VTI1A: variants seen among roughly 807,000 people sequenced by gnomAD.
The protein encoded by VTI1A is vesicle transport through interaction with t-SNAREs 1A.
A neutral mutation model predicts 34.9 loss-of-function variants in VTI1A; 22 were observed. The ratio of observed to expected loss-of-function variants is 0.63; its 90% CI spans 0.45 to 0.90. VTI1A has a LOEUF of 0.90. VTI1A is among the 40% of genes least tolerant of loss of function. The probability of loss-of-function intolerance (pLI) is 0.00; values close to 1 mark genes in which losing one functional copy is unlikely to be tolerated. For missense variants in VTI1A, 268 were observed against 275.6 expected, an observed-to-expected ratio of 0.97 and a Z score of 0.20; for synonymous variants, 87 against 97.3, an observed-to-expected ratio of 0.89 and a Z score of 0.62.
In VTI1A at chr10:112,687,199, C is replaced by G. The variant is rs112131820; in HGVS notation, c.560+18201C>G. On this transcript the variant is annotated intron_variant, in intron 7 of 7. Transcript: ENST00000393077. ...ATCAAACTTCACCACATCAACAAAA[C>G]AGGCCTAGGCATACTACAACTTTTT... 7.2e-3 allele frequency among the ~76,000 whole-genome samples: 1,034 copies of G among 143,144 alleles called. 11 individuals carry two copies. Among genetic ancestry groups the G allele is most frequent in the African/African-American group, 0.026 (998 of 38,018 alleles). 93.9% of individuals were successfully genotyped at this position (143,144 alleles called of 152,430 possible). A position where few individuals can be genotyped will look rare whatever the true frequency, so the allele number is the denominator to read the frequency against.
chr10:112,736,579 T>A, intron 7 of VTI1A: 1 of 1,314,102 alleles, frequency 7.6e-7, no homozygotes, highest in Non-Finnish European at 1.0e-6. Context: ...GGAAAAGGCA[T>A]GACTCTGAAA....
intron 5 of VTI1A, among the ~76,000 whole-genome samples, chr10:112,610,788 G>A (rs988608610): frequency 6.6e-6 from 1 of 152,094 alleles, no homozygotes; most frequent in Non-Finnish European, 1.5e-5. Flanking sequence ...GCGCGGTGGC[G>A]GGCGCCTGTA....
chr10:112,486,681 CTTATAT>C, intron 3 of VTI1A, among the ~76,000 whole-genome samples: 1 of 44,072 alleles, frequency 2.3e-5, no homozygotes, highest in Admixed American at 1.6e-4. Context: ...GAATATACAA[CTTATAT>C]TTAGAATATA....
chr10:112,728,701 A>G (rs939491072), intron 7 of VTI1A, among the ~76,000 whole-genome samples: 4 of 152,212 alleles, frequency 2.6e-5, no homozygotes, highest in Non-Finnish European at 5.9e-5. Flanking sequence ...TTAGGGGCTC[A>G]GGCTACCCCT....
intron 7 of VTI1A, among the ~76,000 whole-genome samples, chr10:112,679,070 A>T: frequency 6.6e-6 from 1 of 152,156 alleles, no homozygotes; most frequent in East Asian, 1.9e-4. Flanking sequence ...GTAGCTAAGA[A>T]TTTTTTTTAA....
At chr10:112,462,350 G>A (rs969174946) in intron 2 of VTI1A, among the ~76,000 whole-genome samples, 1 of 152,136 alleles carries the variant, frequency 6.6e-6, no homozygotes, top group Non-Finnish European at 1.5e-5. Flanking sequence ...CTCATTCTTG[G>A]TTTCATTTTA....
At chr10:112,780,715 A>G (rs977677964) in intron 7 of VTI1A, among the ~76,000 whole-genome samples, 1 of 152,146 alleles carries the variant, frequency 6.6e-6, no homozygotes, top group Admixed American at 6.5e-5. Flanking sequence ...TGGCTTTCTC[A>G]AAGCCACATG....
chr10:112,591,958 G>C (rs1844406669), intron 5 of VTI1A, among the ~76,000 whole-genome samples: 1 of 152,188 alleles, frequency 6.6e-6, no homozygotes, highest in Non-Finnish European at 1.5e-5. Flanking sequence ...TCAGCAGAAA[G>C]GGTAGATGCA....
chr10:112,722,138 A>G (rs1011880688), intron 7 of VTI1A, among the ~76,000 whole-genome samples: 6 of 152,220 alleles, frequency 3.9e-5, no homozygotes, highest in Admixed American at 6.5e-5. Context: ...AAAGAAAGTA[A>G]CCAAATTTAT....
At chr10:112,622,003 A>G (rs6585164) in intron 5 of VTI1A, among the ~76,000 whole-genome samples, 120,409 of 152,072 alleles carry the variant, frequency 0.79, 48,622 homozygotes, top group African/African-American at 0.93. Context: ...AGAGAGAAGA[A>G]GGAGACAGAG....
chr10:112,453,218 A>AT (rs1219736221), intron 1 of VTI1A, among the ~76,000 whole-genome samples: 1 of 152,176 alleles, frequency 6.6e-6, no homozygotes, highest in African/African-American at 2.4e-5. Context: ...GTAAAGCATC[A>AT]TTTTCACCAC....
intron 5 of VTI1A, among the ~76,000 whole-genome samples, chr10:112,578,832 A>T (rs1843812586): frequency 6.6e-6 from 1 of 152,168 alleles, no homozygotes; most frequent in Non-Finnish European, 1.5e-5. Context: ...TTACAATTTA[A>T]CATTTCTGTA....
intron 6 of VTI1A, among the ~76,000 whole-genome samples, 162 bp from the exon 7 acceptor site, chr10:112,668,775 G>A (rs934711814): frequency 6.6e-6 from 1 of 152,110 alleles, no homozygotes. Flanking sequence ...CCAAATTTAA[G>A]AATTTTCCAA....
chr10:112,638,596 A>G (rs974030537), intron 5 of VTI1A, among the ~76,000 whole-genome samples: 3 of 152,188 alleles, frequency 2.0e-5, no homozygotes, highest in Non-Finnish European at 2.9e-5. Flanking sequence ...AACCTATTAC[A>G]TAAAATTCCA....
At chr10:112,517,668 G>A (rs1053965930) in intron 3 of VTI1A, among the ~76,000 whole-genome samples, 1 of 152,164 alleles carries the variant, frequency 6.6e-6, no homozygotes, top group South Asian at 2.1e-4. Context: ...GATCAAAGTG[G>A]CACTTTACTT....
chr10:112,522,286 A>G (rs1356238223), intron 3 of VTI1A, among the ~76,000 whole-genome samples: 1 of 152,076 alleles, frequency 6.6e-6, no homozygotes, highest in Admixed American at 6.6e-5. Context: ...AAGCAATGGA[A>G]AAGTCTGGCC....
Position 112,447,406 on chromosome 10 carries a change from C to G in VTI1A, c.33C>G (p.Asp11Glu). ...CCGACTTCGAAGGTTACGAGCAGGA[C>G]TTCGCGGTGCTCACTGCAGAGATCA... MSSDFEGYEQ[D>E]FAVLTAEITS... Residue 11 changes from aspartate to glutamate, a missense_variant, in exon 1 of 8, where the codon GAC (aspartate) becomes GAG (glutamate). Coordinates refer to ENST00000393077, the MANE Select transcript of VTI1A (RefSeq NM_145206.4). 2 of 1,613,752 alleles carry G rather than the reference C, an allele frequency of 1.2e-6. No homozygotes were observed. Among genetic ancestry groups the G allele is most frequent in the Non-Finnish European group, 1.7e-6 (2 of 1,180,000 alleles).
At chr10:112,569,014 G>T (rs534092673) in intron 5 of VTI1A, among the ~76,000 whole-genome samples, 2 of 152,166 alleles carry the variant, frequency 1.3e-5, no homozygotes, top group Admixed American at 6.5e-5. Flanking sequence ...AATCATCCGG[G>T]TGTGGTGGTT....
At position 112,650,233 on chromosome 10, in the gene VTI1A, G is replaced by T. The variant is rs1331131387; in HGVS notation, c.428-17985G>T. Among the ~76,000 whole-genome samples, 4 of 150,546 alleles carry T rather than the reference G, an allele frequency of 2.7e-5. No homozygotes were observed. In the South Asian group the frequency reaches 8.4e-4, roughly 32 times the overall value. On this transcript the variant is annotated intron_variant, in intron 5 of 7. Transcript: ENST00000393077. ...TCTATTTTTAATTTTTTTTCCTTTTGTTCTTTTTAAACTTTTTTTGTTAAA... is the reference window on the plus strand; with the variant it reads ...TCTATTTTTAATTTTTTTTCCTTTTTTTCTTTTTAAACTTTTTTTGTTAAA...
Sources: allele counts gnomAD v4.1 joint callset (sites outside exome capture counted in the v4.1 genomes callset), GRCh38; gene constraint gnomAD v4.1.1; transcripts MANE v1.5; gene names NCBI Gene and HGNC (gene_info 2026-07-23, HGNC 2026-07-21).